ELFN2: variants seen among roughly 807,000 people sequenced by gnomAD.
ELFN2 encodes the protein extracellular leucine rich repeat and fibronectin type III domain containing 2.
ELFN2 carries 17 observed loss-of-function variants against 45.5 expected under a neutral mutation model. That is an observed-to-expected ratio of 0.37 (90% CI 0.26 to 0.56). The LOEUF (loss-of-function observed/expected upper bound fraction) is 0.56, where lower values mean the gene tolerates loss of function less well. Ranked by LOEUF, ELFN2 falls within the 20% of genes least tolerant of loss-of-function variation. The probability of loss-of-function intolerance (pLI) is 0.77; values close to 1 mark genes in which losing one functional copy is unlikely to be tolerated. For synonymous variants in ELFN2, 550 were observed against 551.5 expected (o/e 1.00, Z 0.04); for missense variants, 922 against 1,183.2 (o/e 0.78, Z 3.24).
chr22:37,373,384 G>A lies in ELFN2; in HGVS notation c.2151C>T (p.Tyr717=), dbSNP rs752857902. 35 of 1,609,336 alleles carry A rather than the reference G, an allele frequency of 2.2e-5. No homozygotes were observed. The highest frequency in any genetic ancestry group is 6.7e-5 in the African/African-American group (5 of 74,876). ...GGCTCAGGCTGTCGGCACCCTCCTC[G>A]TAGTACAGGGCGGGAAAGCTGTGCC... is the stretch of plus-strand genomic sequence containing the variant. The part of the protein sequence containing the change: ...EHRHSFPALY[Y]EEGADSLSQR... The change falls in exon 3 of 3, where the codon TAC becomes TAT. Residue 717 remains tyrosine, a synonymous_variant. Coordinates refer to ENST00000402918, the MANE Select transcript of ELFN2 (RefSeq NM_052906.5).
intron 2 of ELFN2, among the ~76,000 whole-genome samples, chr22:37,380,252 G>T (rs1289951498): frequency 6.6e-6 from 1 of 152,188 alleles, no homozygotes; most frequent in African/African-American, 2.4e-5. Flanking sequence ...GGCCAGCTGG[G>T]GACGCAGGCA....
At chr22:37,392,966 T>G (rs1932122331) in intron 2 of ELFN2, among the ~76,000 whole-genome samples, 1 of 152,258 alleles carries the variant, frequency 6.6e-6, no homozygotes, top group African/African-American at 2.4e-5. Flanking sequence ...GGTCCCTTAT[T>G]ACTTCAGGCC....
chr22:37,374,615 G>A lies in ELFN2; in HGVS notation c.920C>T (p.Thr307Ile), dbSNP rs778063448. 19 of 1,614,168 alleles carry A rather than the reference G, an allele frequency of 1.2e-5. No homozygotes were observed. The highest frequency in any genetic ancestry group is 1.5e-5 in the Non-Finnish European group (18 of 1,180,008). Residue 307 changes from threonine (T) to isoleucine (I), a missense_variant, in exon 3 of 3, where the codon ACC (threonine) becomes ATC (isoleucine). Thr to Ile is a moderately conservative substitution (Grantham distance 89, BLOSUM62 -1). Transcript: ENST00000402918. ...PAIKLHHVTF[T>I]SATLVVIIPH... ...GATGATGACCACCAGGGTGGCCGAG[G>A]TGAACGTGACGTGGTGCAGCTTGAT...
intron 1 of ELFN2, chr22:37,419,086 A>T (rs1601772796): frequency 6.6e-6 from 1 of 151,994 alleles, no homozygotes; most frequent in South Asian, 2.1e-4. Flanking sequence ...CCATTCACAA[A>T]CATATGTAGA....
chr22:37,342,339 T>C (rs1930577675), intron 2 of ELFN2, among the ~76,000 whole-genome samples: 1 of 152,152 alleles, frequency 6.6e-6, no homozygotes, highest in South Asian at 2.1e-4. Flanking sequence ...ATTATTGCCC[T>C]TTCTCTAGCC....
Position 37,375,770 on chromosome 22 carries a change from C to T in ELFN2, c.-236G>A. 1.8e-6 allele frequency: 1 copy of T among 568,164 alleles called. No homozygotes were observed. Among genetic ancestry groups the T allele is most frequent in the South Asian group, 2.3e-5 (1 of 42,702 alleles). The allele number at this position is 568,164 out of a possible 1,614,324, so 35.2% of individuals were successfully genotyped here. ...GGTGGGGGCCCCACAGCCTGCTCCC[C>T]ACCGCAGCGTTGCTCCTTGTCTCCT... On this transcript the variant is annotated 5_prime_UTR_variant, in exon 3 of 3. Coordinates refer to ENST00000402918, the MANE Select transcript of ELFN2 (RefSeq NM_052906.5).
intron 2 of ELFN2, among the ~76,000 whole-genome samples, chr22:37,382,690 T>C (rs777928372): frequency 2.0e-5 from 3 of 151,596 alleles, no homozygotes; most frequent in African/African-American, 4.9e-5. Context: ...GCTGGGACCA[T>C]AGGCGCATGC....
At chr22:37,397,298 C>T (rs1932239565) in intron 2 of ELFN2, among the ~76,000 whole-genome samples, 1 of 152,222 alleles carries the variant, frequency 6.6e-6, no homozygotes, top group Non-Finnish European at 1.5e-5. Context: ...ATGGAGAAGG[C>T]ACCCAGGGAG....
At chr22:37,366,066 G>A (rs764207154), downstream of ELFN2, among the ~76,000 whole-genome samples, 3 of 152,204 alleles carry the variant, frequency 2.0e-5, no homozygotes, top group Non-Finnish European at 2.9e-5. Flanking sequence ...GGCTCACGGC[G>A]TTTGCTCGGT....
intron 1 of ELFN2, among the ~76,000 whole-genome samples, chr22:37,422,597 G>C (rs572992388): frequency 1.2e-3 from 181 of 151,906 alleles, no homozygotes; most frequent in African/African-American, 4.2e-3. Context: ...CCCAGCTACT[G>C]GGGAAGTTTT....
At chr22:37,405,624 A>T (rs979124890) in intron 2 of ELFN2, among the ~76,000 whole-genome samples, 18 of 152,188 alleles carry the variant, frequency 1.2e-4, no homozygotes, top group Admixed American at 7.8e-4. Context: ...AGAAAGACAA[A>T]GGCCTCAACC....
intron 2 of ELFN2, among the ~76,000 whole-genome samples, chr22:37,404,114 C>T (rs1932436915): frequency 1.3e-5 from 2 of 152,188 alleles, no homozygotes; most frequent in African/African-American, 4.8e-5. Context: ...ATAAATGGAA[C>T]ATCAGAAGGA....
rs1489396567 is a variant in ELFN2 at position 37,368,610 on chromosome 22, C to T, written c.*4462G>A. On this transcript the variant is annotated 3_prime_UTR_variant, in exon 3 of 3. Coordinates refer to ENST00000402918, the MANE Select transcript of ELFN2 (RefSeq NM_052906.5). Reference sequence around the variant, plus strand: ...GGTCCCCTCTCCTGGGGCTCAGCCACCTCTGGAGCAGCCACCTTGTCAGAC... The same window carrying T: ...GGTCCCCTCTCCTGGGGCTCAGCCATCTCTGGAGCAGCCACCTTGTCAGAC... 6.6e-6 allele frequency: 1 copy of T among 152,322 alleles called. No individual in the cohort carries two copies. Among genetic ancestry groups the T allele is most frequent in the African/African-American group, 2.4e-5 (1 of 41,460 alleles). The allele number at this position is 152,322 out of a possible 1,614,324, so 9.4% of individuals were successfully genotyped here.
chr22:37,364,577 AC>A (rs982299269), downstream of ELFN2, among the ~76,000 whole-genome samples: 13 of 151,816 alleles, frequency 8.6e-5, no homozygotes, highest in African/African-American at 2.9e-4. Flanking sequence ...GGAGCAGGAA[AC>A]CCCATGGGCC....
Position 37,372,816 on chromosome 22 carries a change from C to T in ELFN2, c.*256G>A, listed in dbSNP as rs528609285. 37 of 444,822 alleles carry T rather than the reference C, an allele frequency of 8.3e-5. No homozygotes were observed. Among genetic ancestry groups the T allele is most frequent in the Middle Eastern group, 6.1e-4 (1 of 1,630 alleles). 27.6% of individuals were successfully genotyped at this position (444,822 alleles called of 1,614,324 possible). On this transcript the variant is annotated 3_prime_UTR_variant, in exon 3 of 3. Transcript: ENST00000402918. This position sits in a 1 kb window ranked among gnomAD's most constrained non-coding sequence, Gnocchi z 4.4. ...GAGTCCCTGGGCAGCACAGTAAAGA[C>T]GACTGGTTTCGGTATCAGTTTGTAA...
chr22:37,406,512 C>CA (rs1601765965), intron 2 of ELFN2, among the ~76,000 whole-genome samples: 1 of 152,282 alleles, frequency 6.6e-6, no homozygotes, highest in East Asian at 1.9e-4. Context: ...TGCCACCCCC[C>CA]ACTCCCACCG....
chr22:37,399,132 C>A (rs55675002), intron 2 of ELFN2, among the ~76,000 whole-genome samples: 2 of 151,864 alleles, frequency 1.3e-5, no homozygotes, highest in African/African-American at 4.8e-5. Context: ...CTTCTTACCC[C>A]TCTCTGAACT....
At chr22:37,380,620 C>A (rs1386502947) in intron 2 of ELFN2, among the ~76,000 whole-genome samples, 2 of 152,174 alleles carry the variant, frequency 1.3e-5, no homozygotes, top group East Asian at 3.9e-4. Flanking sequence ...CAGGCTCTTC[C>A]CTGAGCCAGG....
intron 1 of ELFN2, among the ~76,000 whole-genome samples, chr22:37,426,642 C>T (rs2145697895): frequency 8.0e-6 from 1 of 125,454 alleles, no homozygotes; most frequent in East Asian, 2.2e-4. Context: ...CGCTCGCACA[C>T]ACACACAAAC....
Sources: allele counts gnomAD v4.1 joint callset (sites outside exome capture counted in the v4.1 genomes callset), GRCh38; gene constraint gnomAD v4.1.1; non-coding constraint Gnocchi (gnomAD v3.1); transcripts MANE v1.5; gene names NCBI Gene and HGNC (gene_info 2026-07-23, HGNC 2026-07-21).